Variants in AOPEP observed in about 807,000 individuals in gnomAD.
AOPEP encodes aminopeptidase O (putative).
AOPEP carries 77 observed loss-of-function variants against 98.1 expected under a neutral mutation model. That is an observed-to-expected ratio of 0.78 (90% CI 0.65 to 0.95). AOPEP has a LOEUF of 0.95. AOPEP is among the 40% of genes least tolerant of loss of function. The pLI, the probability that AOPEP is intolerant of heterozygous loss-of-function variation, is 0.00. For missense variants in AOPEP, 1,024 were observed against 1,024.7 expected (o/e 1.00, Z 0.01); for synonymous variants, 346 against 365.3 (o/e 0.95, Z 0.60).
the AOPEP span, among the ~76,000 whole-genome samples, chr9:95,098,490 C>A: frequency 1.3e-5 from 2 of 152,208 alleles, no homozygotes; most frequent in African/African-American, 4.8e-5. Flanking sequence ...CCTGTCTGCT[C>A]CCTCAGGCGC....
At chr9:94,745,262 G>A (rs533169642) in intron 1 of AOPEP, among the ~76,000 whole-genome samples, 1 of 151,414 alleles carries the variant, frequency 6.6e-6, no homozygotes, top group South Asian at 2.1e-4. Flanking sequence ...CTATCTGCAT[G>A]AGTTCAATTG....
At chr9:95,096,344 G>C in the AOPEP span, among the ~76,000 whole-genome samples, 1 of 152,178 alleles carries the variant, frequency 6.6e-6, no homozygotes, top group African/African-American at 2.4e-5. Flanking sequence ...TGTGGAGGTG[G>C]GAGAAAGGGA....
At chr9:94,888,243 A>C (rs2135994949) in intron 5 of AOPEP, among the ~76,000 whole-genome samples, 1 of 151,780 alleles carries the variant, frequency 6.6e-6, no homozygotes, top group Middle Eastern at 3.4e-3. Flanking sequence ...AGTGACCTCA[A>C]GTGATGTGAA....
rs1356354321 is a variant in AOPEP at position 95,016,141 on chromosome 9, T to TC, written c.2115+10525_2115+10526insC. On this transcript the variant is annotated intron_variant, in intron 13 of 16. Coordinates refer to ENST00000375315, the MANE Select transcript of AOPEP (RefSeq NM_001193329.3). ...TACTTGCATTAAGCTTTTTTTTTTT[T>TC]TCCCCCCACGGTAAACCTTTGGTTT... Among the ~76,000 whole-genome samples the TC allele has an allele frequency of 3.4e-3, 512 of 151,594 alleles. 4 individuals are homozygous for TC. Among genetic ancestry groups the TC allele is most frequent in the African/African-American group, 0.011 (440 of 41,348 alleles).
At chr9:94,953,777 A>G (rs1424773551) in intron 7 of AOPEP, among the ~76,000 whole-genome samples, 1 of 152,038 alleles carries the variant, frequency 6.6e-6, no homozygotes. Flanking sequence ...CTTCACCTCA[A>G]CACTCCTCAG....
chr9:94,847,721 G>A (rs1405424453), intron 5 of AOPEP, among the ~76,000 whole-genome samples: 1 of 152,066 alleles, frequency 6.6e-6, no homozygotes, highest in Non-Finnish European at 1.5e-5. Flanking sequence ...AAAATGTGAG[G>A]TATTTTGGAA....
intron 11 of AOPEP, among the ~76,000 whole-genome samples, chr9:94,996,664 C>T (rs948202230): frequency 9.8e-5 from 15 of 152,302 alleles, no homozygotes; most frequent in African/African-American, 3.6e-4. Context: ...AGTACCTAGA[C>T]ATGGTTGTTT....
At chr9:95,126,750 A>G in the AOPEP span, 2 of 673,600 alleles carry the variant, frequency 3.0e-6, no homozygotes, top group South Asian at 3.3e-5. Flanking sequence ...CCCACATACA[A>G]GTGCATACGG....
At chr9:94,988,204 C>T (rs760256636) in intron 11 of AOPEP, among the ~76,000 whole-genome samples, 40 of 152,112 alleles carry the variant, frequency 2.6e-4, no homozygotes, top group African/African-American at 7.0e-4. Context: ...GGCTGAGGAA[C>T]GCCTATATCC....
chr9:94,759,474 C>G (rs1443830658), intron 1 of AOPEP, among the ~76,000 whole-genome samples, 175 bp from the exon 2 acceptor site: 2 of 152,144 alleles, frequency 1.3e-5, no homozygotes, highest in African/African-American at 4.8e-5. Flanking sequence ...TTTTAGAAAC[C>G]CATAATGCAG....
chr9:94,875,297 T>C (rs575417985), intron 5 of AOPEP, among the ~76,000 whole-genome samples: 2 of 146,118 alleles, frequency 1.4e-5, no homozygotes, highest in African/African-American at 5.3e-5. Context: ...ATATGTCTTG[T>C]TAAAATAAAA....
chr9:94,735,331 C>T (rs982975734), intron 1 of AOPEP, among the ~76,000 whole-genome samples: 5 of 152,226 alleles, frequency 3.3e-5, no homozygotes, highest in African/African-American at 1.2e-4. Context: ...CGCCATTCTC[C>T]TGCCTCAGCC....
At chr9:95,087,537 C>T (rs2070794798), downstream of AOPEP, among the ~76,000 whole-genome samples, 1 of 77,576 alleles carries the variant, frequency 1.3e-5, no homozygotes, top group Middle Eastern at 6.2e-3. Context: ...GTATTCTCCA[C>T]ATTCTGGTGT....
intron 5 of AOPEP, among the ~76,000 whole-genome samples, chr9:94,907,604 T>A (rs1400100560): frequency 2.0e-5 from 3 of 151,288 alleles, no homozygotes; most frequent in Non-Finnish European, 4.4e-5. Flanking sequence ...ATGCACACCC[T>A]CCCCCACACC....
chr9:94,757,716 C>A (rs1324515566), intron 1 of AOPEP, among the ~76,000 whole-genome samples: 1 of 152,156 alleles, frequency 6.6e-6, no homozygotes, highest in African/African-American at 2.4e-5. Context: ...TGACCCTTGT[C>A]TCAGCTGATG....
intron 11 of AOPEP, chr9:95,004,393 C>T (rs2061773214): frequency 2.4e-6 from 1 of 412,392 alleles, no homozygotes; most frequent in Admixed American, 2.6e-5. Flanking sequence ...TGCGGGTCCA[C>T]ACTCGCGGGA....
intron 5 of AOPEP, among the ~76,000 whole-genome samples, chr9:94,853,057 A>T (rs894428): frequency 6.6e-6 from 1 of 152,104 alleles, no homozygotes; most frequent in Admixed American, 6.5e-5. Context: ...CACAGTACAG[A>T]TATAGAAATG....
At chr9:94,992,379 T>C (rs985537051) in intron 11 of AOPEP, among the ~76,000 whole-genome samples, 1 of 152,196 alleles carries the variant, frequency 6.6e-6, no homozygotes, top group African/African-American at 2.4e-5. Context: ...TATTTTCTGC[T>C]TCTGATCCTG....
chr9:95,107,490 C>T, the AOPEP span: 2 of 614,250 alleles, frequency 3.3e-6, no homozygotes, highest in African/African-American at 1.8e-5. Context: ...ACCAAGCAGT[C>T]AGGGCACCAT....
Sources: allele counts gnomAD v4.1 joint callset (sites outside exome capture counted in the v4.1 genomes callset), GRCh38; gene constraint gnomAD v4.1.1; transcripts MANE v1.5; gene names NCBI Gene and HGNC (gene_info 2026-07-23, HGNC 2026-07-21).